The following RYR3 variants were observed in gnomAD, a reference collection of about 807,000 sequenced individuals.
The protein encoded by RYR3 is ryanodine receptor 3.
RYR3 carries 207 observed loss-of-function variants against 584.3 expected under a neutral mutation model. The observed-to-expected ratio is 0.35, with a 90% confidence interval of 0.32 to 0.40. The LOEUF (loss-of-function observed/expected upper bound fraction) is 0.40. RYR3 is among the 10% of genes least tolerant of loss of function. RYR3 has a pLI of 1.00. For synonymous variants in RYR3, 2,416 were observed against 2,248.5 expected (o/e 1.07, Z -2.11); for missense variants, 5,616 against 6,089.2 (o/e 0.92, Z 2.59).
chr15:33,554,164 C>T (rs1343379176), intron 10 of RYR3, among the ~76,000 whole-genome samples: 1 of 152,170 alleles, frequency 6.6e-6, no homozygotes, highest in Non-Finnish European at 1.5e-5. Context: ...ACACATACCC[C>T]ACCCTGCTTT....
rs1555401713 is a variant in RYR3 at position 33,669,857 on chromosome 15, G to GGGGGGGGGGGGT, written c.5722+402_5722+403insGGGGGGGGGGTG. Among the ~76,000 whole-genome samples, 15 of 60,246 alleles carry GGGGGGGGGGGGT rather than the reference G, an allele frequency of 2.5e-4. 4 individuals carry two copies. Among genetic ancestry groups the GGGGGGGGGGGGT allele is most frequent in the Admixed American group, 4.6e-4 (2 of 4,356 alleles). 39.5% of individuals were successfully genotyped at this position (60,246 alleles called of 152,430 possible). On this transcript the variant is annotated intron_variant, in intron 37 of 103. Transcript: ENST00000634891. Reference sequence around the variant, plus strand: ...GTGTGTGTGTGTGGGGGGGGGGGGGGGTGTGGGTGTGTGGGTGTGTGTGGT... The same window carrying GGGGGGGGGGGGT: ...GTGTGTGTGTGTGGGGGGGGGGGGGGGGGGGGGGGGGTGTGTGGGTGTGTGGGTGTGTGTGGT...
chr15:33,457,500 A>G (rs1328952898), intron 1 of RYR3, among the ~76,000 whole-genome samples: 1 of 152,252 alleles, frequency 6.6e-6, no homozygotes, highest in Non-Finnish European at 1.5e-5. Context: ...CAGAAAGACC[A>G]GTATCACACA....
At chr15:33,611,404 AAGTT>A (rs968886390) in intron 18 of RYR3, among the ~76,000 whole-genome samples, 13 of 151,608 alleles carry the variant, frequency 8.6e-5, no homozygotes, top group Admixed American at 6.6e-5. Flanking sequence ...AAAATACAAA[AAGTT>A]AGGCGGGCGT....
At chr15:33,464,503 T>TATATATATACACAC (rs1180164194) in intron 1 of RYR3, among the ~76,000 whole-genome samples, 33 of 105,920 alleles carry the variant, frequency 3.1e-4, no homozygotes, top group African/African-American at 1.0e-3. Context: ...CATATATATA[T>TATATATATACACAC]ACATACACAT....
chr15:33,400,220 T>C (rs573038607), intron 1 of RYR3, among the ~76,000 whole-genome samples: 1 of 152,316 alleles, frequency 6.6e-6, no homozygotes, highest in South Asian at 2.1e-4. Context: ...ATGGTCACCA[T>C]ATGTAAACTG....
chr15:33,486,943 TC>T (rs1329192138), intron 2 of RYR3, among the ~76,000 whole-genome samples: 2 of 152,130 alleles, frequency 1.3e-5, no homozygotes, highest in Admixed American at 1.3e-4. Context: ...ATGACTGTAA[TC>T]CCAGGACTTT....
At chr15:33,376,795 G>A (rs1159778917) in intron 1 of RYR3, among the ~76,000 whole-genome samples, 2 of 152,130 alleles carry the variant, frequency 1.3e-5, no homozygotes, top group South Asian at 2.1e-4. Context: ...ATTTATTTTC[G>A]TATATGGAAT....
intron 8 of RYR3, among the ~76,000 whole-genome samples, chr15:33,545,632 A>T (rs1180547238): frequency 1.3e-5 from 2 of 152,160 alleles, no homozygotes; most frequent in Non-Finnish European, 2.9e-5. Context: ...TCAAAACAGG[A>T]TGCCTTGGTG....
intron 1 of RYR3, among the ~76,000 whole-genome samples, chr15:33,377,163 G>A (rs187601561): frequency 5.3e-5 from 8 of 152,292 alleles, no homozygotes; most frequent in Non-Finnish European, 8.8e-5. Context: ...GGTATTATAG[G>A]CTCTGAATTG....
intron 1 of RYR3, among the ~76,000 whole-genome samples, chr15:33,426,678 T>A (rs1458140398): frequency 2.6e-5 from 4 of 152,220 alleles, no homozygotes; most frequent in South Asian, 2.1e-4. Context: ...ACCAGCTGAT[T>A]AGTGGCAGAA....
At chr15:33,527,038 A>G (rs547103248) in intron 3 of RYR3, among the ~76,000 whole-genome samples, 4 of 152,198 alleles carry the variant, frequency 2.6e-5, no homozygotes, top group Admixed American at 2.6e-4. Context: ...TGTCTGAAAA[A>G]CAGAGGAAAA....
intron 19 of RYR3, among the ~76,000 whole-genome samples, chr15:33,620,963 A>G (rs1420758242): frequency 9.9e-5 from 15 of 152,228 alleles, no homozygotes; most frequent in Admixed American, 9.8e-4. Context: ...GTAAACACTG[A>G]TTCCTGCCTG....
At chr15:33,566,634 G>GGC (rs1330470486) in intron 11 of RYR3, 44 bp from the exon 12 acceptor site, 2 of 1,608,808 alleles carry the variant, frequency 1.2e-6, no homozygotes, top group Non-Finnish European at 1.7e-6. Context: ...CCCATATGTG[G>GGC]AATAATTGTA....
Position 33,750,822 on chromosome 15 carries a change from A to G in RYR3, c.8399+536A>G, listed in dbSNP as rs1042017110. The stretch of plus-strand genomic sequence containing the variant: ...CGTGCCATGGTGGTTTGCTGCACCC[A>G]TTAACCTGTCATCTACATTTGGTAT... On this transcript the variant is annotated intron_variant, in intron 57 of 103. Coordinates refer to ENST00000634891, the MANE Select transcript of RYR3 (RefSeq NM_001036.6). Among the ~76,000 whole-genome samples, 5 of 152,132 alleles carry G rather than the reference A, an allele frequency of 3.3e-5. No individual in the cohort carries two copies. The South Asian group carries it at 8.3e-4, about 25-fold the overall frequency.
intron 18 of RYR3, among the ~76,000 whole-genome samples, chr15:33,607,419 C>T (rs2059961036): frequency 6.6e-6 from 1 of 152,148 alleles, no homozygotes; most frequent in Non-Finnish European, 1.5e-5. Context: ...GACGGTTTTT[C>T]CTCTTGAGAC....
chr15:33,430,191 C>A (rs1212977622), intron 1 of RYR3, among the ~76,000 whole-genome samples: 1 of 152,210 alleles, frequency 6.6e-6, no homozygotes, highest in African/African-American at 2.4e-5. Context: ...ATCAGGATTG[C>A]AGTGAGCGAA....
intron 1 of RYR3, among the ~76,000 whole-genome samples, chr15:33,407,629 A>G (rs1446510783): frequency 2.6e-5 from 4 of 152,194 alleles, no homozygotes; most frequent in Non-Finnish European, 5.9e-5. Context: ...AAAACCTGAG[A>G]GTTTGATAGC....
chr15:33,570,288 G>A (rs956624282), intron 12 of RYR3, among the ~76,000 whole-genome samples: 3 of 151,966 alleles, frequency 2.0e-5, no homozygotes, highest in African/African-American at 7.3e-5. Context: ...ATATTTTTGC[G>A]TGTGGCCATA....
intron 43 of RYR3, among the ~76,000 whole-genome samples, chr15:33,711,024 T>C (rs1377272043): frequency 6.6e-6 from 1 of 152,244 alleles, no homozygotes; most frequent in African/African-American, 2.4e-5. Context: ...CTTTTAGTCA[T>C]GCAAATATCT....
Sources: gnomAD v4.1 joint callset for allele counts (sites outside exome capture counted in the v4.1 genomes callset) on GRCh38, gnomAD v4.1.1 for gene constraint, MANE v1.5 for transcripts, NCBI Gene and HGNC (gene_info 2026-07-23, HGNC 2026-07-21) for gene names.